Variants in SRL observed in about 807,000 individuals in gnomAD.
SRL encodes sarcalumenin.
SRL carries 23 observed loss-of-function variants against 39.5 expected under a neutral mutation model. The observed-to-expected ratio is 0.58, with a 90% CI of 0.42 to 0.82. SRL has a LOEUF of 0.82. Ranked by LOEUF, SRL falls within the 40% of genes least tolerant of loss-of-function variation. The pLI, the probability that SRL is intolerant of heterozygous loss-of-function variation, is 0.00. For synonymous variants in SRL, 272 were observed against 237.4 expected, an observed-to-expected ratio of 1.15 and a Z score of -1.34; for missense variants, 592 against 607.8, an observed-to-expected ratio of 0.97 and a Z score of 0.27.
At chr16:4,240,013 C>T (rs1176870233) in intron 1 of SRL, among the ~76,000 whole-genome samples, 1 of 152,168 alleles carries the variant, frequency 6.6e-6, no homozygotes, top group Non-Finnish European at 1.5e-5. Context: ...AACAGAGGGG[C>T]GCTTGTCTCC....
At chr16:4,200,457 G>A (rs564319190) in intron 3 of SRL, among the ~76,000 whole-genome samples, 1 of 152,324 alleles carries the variant, frequency 6.6e-6, no homozygotes, top group South Asian at 2.1e-4. Flanking sequence ...GCCTGGGAGA[G>A]GTTACAAGGA....
intron 3 of SRL, among the ~76,000 whole-genome samples, chr16:4,200,297 T>G (rs1023292461): frequency 2.0e-5 from 3 of 152,098 alleles, no homozygotes; most frequent in African/African-American, 7.2e-5. Context: ...GATGTCACAG[T>G]ATCTTAACAC....
At chr16:4,231,904 CTTA>C (rs1597296320) in intron 1 of SRL, among the ~76,000 whole-genome samples, 1 of 152,160 alleles carries the variant, frequency 6.6e-6, no homozygotes, top group Non-Finnish European at 1.5e-5. Context: ...TAGCCATTTT[CTTA>C]TTATAGTCAC....
chr16:4,199,326 C>T (rs1267596777), intron 3 of SRL, among the ~76,000 whole-genome samples: 2 of 149,884 alleles, frequency 1.3e-5, no homozygotes, highest in Non-Finnish European at 3.0e-5. Flanking sequence ...CATTTTAATG[C>T]ATATATAAGC....
rs1032925576 is a variant in SRL, at chr16:4,241,975, T to G, written c.61+32A>C. On this transcript the variant is annotated intron_variant, in intron 1 of 5. Transcript: ENST00000399609. ...CCTTGGAGGAAGCGTGGGGGACCAGTCTGGGCTGGGTCATGCTGGGAGGGG... is the reference window on the plus strand; with the variant it reads ...CCTTGGAGGAAGCGTGGGGGACCAGGCTGGGCTGGGTCATGCTGGGAGGGG... 2.5e-6 allele frequency: 4 copies of G among 1,612,978 alleles called. No individual in the cohort carries two copies. In the South Asian group the frequency reaches 3.3e-5, roughly 13 times the overall value.
intron 3 of SRL, among the ~76,000 whole-genome samples, 188 bp from the exon 4 acceptor site, chr16:4,198,103 A>G (rs1244757315): frequency 6.6e-6 from 1 of 152,240 alleles, no homozygotes; most frequent in African/African-American, 2.4e-5. Flanking sequence ...AAAAAGACAC[A>G]GAAGTCACTT....
intron 1 of SRL, 80 bp downstream of exon 1, chr16:4,241,927 C>A: frequency 6.5e-7 from 1 of 1,535,596 alleles, no homozygotes. Context: ...CGACCCCCTA[C>A]CCAACCCATG....
At chr16:4,226,561 G>A (rs1414069133) in intron 1 of SRL, among the ~76,000 whole-genome samples, 1 of 151,420 alleles carries the variant, frequency 6.6e-6, no homozygotes, top group Non-Finnish European at 1.5e-5. Flanking sequence ...ATGGAAAGAT[G>A]GATGGATGGG....
At chr16:4,227,350 T>C (rs910373551) in intron 1 of SRL, among the ~76,000 whole-genome samples, 14 of 150,864 alleles carry the variant, frequency 9.3e-5, no homozygotes, top group South Asian at 4.2e-4. Flanking sequence ...GACAGACAGA[T>C]GGGTGAATGG....
chr16:4,241,397 G>A (rs543925250), intron 1 of SRL, among the ~76,000 whole-genome samples: 7 of 152,290 alleles, frequency 4.6e-5, no homozygotes, highest in South Asian at 4.1e-4. Flanking sequence ...CCCCCACCCC[G>A]AGCAGAGGCT....
rs760513819 is a variant in SRL at position 4,204,597 on chromosome 16, C to A, written c.99G>T (p.Arg33Ser). ...GGGTCTTCTCGATGTGGGAGCGGTCCCTCAATGGGGCTTCTTCATTTGCAT... is the reference window on the plus strand; with the variant it reads ...GGGTCTTCTCGATGTGGGAGCGGTCACTCAATGGGGCTTCTTCATTTGCAT... ...TEDANEEAPLRDRSHIEKTLM... is the reference protein window; with the variant it reads ...TEDANEEAPLSDRSHIEKTLM... The change falls in exon 2 of 6, where the codon AGG becomes AGT. Residue 33 changes from arginine (R) to serine (S), a missense_variant. Arg to Ser is a moderately radical substitution (Grantham distance 110). Transcript: ENST00000399609. The A allele has an allele frequency of 7.4e-6, 12 of 1,614,034 alleles. No homozygotes were observed. The South Asian group carries it at 1.3e-4, about 18-fold the overall frequency.
intron 3 of SRL, among the ~76,000 whole-genome samples, chr16:4,198,764 C>G (rs1170966394): frequency 6.6e-6 from 1 of 152,192 alleles, no homozygotes; most frequent in Non-Finnish European, 1.5e-5. Context: ...GGGCCACTCT[C>G]AAACACTAGC....
At chr16:4,198,557 T>A (rs1171912237) in intron 3 of SRL, among the ~76,000 whole-genome samples, 1 of 152,134 alleles carries the variant, frequency 6.6e-6, no homozygotes, top group Non-Finnish European at 1.5e-5. Flanking sequence ...TCCTCCCACT[T>A]CAGCCTCCCA....
intron 3 of SRL, among the ~76,000 whole-genome samples, chr16:4,201,046 G>A (rs1353395644): frequency 1.3e-5 from 2 of 152,044 alleles, no homozygotes; most frequent in African/African-American, 2.4e-5. Flanking sequence ...TACTGTTATT[G>A]TGAGTACAAA....
intron 1 of SRL, among the ~76,000 whole-genome samples, chr16:4,222,202 C>T (rs2141056718): frequency 6.6e-6 from 1 of 152,320 alleles, no homozygotes; most frequent in South Asian, 2.1e-4. Flanking sequence ...AGTCCCATCC[C>T]TTGGGAGTCG....
chr16:4,218,066 G>T (rs1306066425), intron 1 of SRL, among the ~76,000 whole-genome samples: 3 of 152,114 alleles, frequency 2.0e-5, no homozygotes, highest in Non-Finnish European at 2.9e-5. Context: ...CACTCCCAGG[G>T]GCCAGGAGCT....
chr16:4,212,287 A>G (rs2052402679), intron 1 of SRL, among the ~76,000 whole-genome samples: 1 of 152,144 alleles, frequency 6.6e-6, no homozygotes, highest in Non-Finnish European at 1.5e-5. Flanking sequence ...AACTGCTCCA[A>G]CAGAAAGTCT....
At chr16:4,241,806 G>C (rs902393161) in intron 1 of SRL, among the ~76,000 whole-genome samples, 1 of 152,170 alleles carries the variant, frequency 6.6e-6, no homozygotes, top group South Asian at 2.1e-4. Flanking sequence ...TGAGGGCCCC[G>C]CAACTGTGCT....
intron 1 of SRL, among the ~76,000 whole-genome samples, chr16:4,221,856 G>A (rs767791135): frequency 2.6e-4 from 39 of 152,176 alleles, no homozygotes; most frequent in Admixed American, 1.1e-3. Context: ...TTGTGGCTGC[G>A]TCACTCCAGT....
Sources: gnomAD v4.1 joint callset for allele counts (sites outside exome capture counted in the v4.1 genomes callset) on GRCh38, gnomAD v4.1.1 for gene constraint, MANE v1.5 for transcripts, NCBI Gene and HGNC (gene_info 2026-07-23, HGNC 2026-07-21) for gene names.